LSAMP: variants seen among roughly 807,000 people sequenced by gnomAD.
LSAMP encodes limbic system-associated membrane protein.
A neutral mutation model predicts 38.6 loss-of-function variants in LSAMP; 7 were observed. The ratio of observed to expected loss-of-function variants is 0.18; its 90% CI spans 0.10 to 0.34. LSAMP has a LOEUF of 0.34. Among genes scored for constraint, LSAMP ranks in the 10% least tolerant of loss-of-function variants. The probability of loss-of-function intolerance (pLI) is 1.00; values close to 1 mark genes in which losing one functional copy is unlikely to be tolerated. For synonymous variants in LSAMP, 154 were observed against 166.8 expected (o/e 0.92, Z 0.59); for missense variants, 313 against 420.0 (o/e 0.75, Z 2.23).
chr3:115,966,704 C>T (rs917839979), intron 3 of LSAMP, among the ~76,000 whole-genome samples: 2 of 152,140 alleles, frequency 1.3e-5, no homozygotes, highest in African/African-American at 4.8e-5. Context: ...TAAACTCAAC[C>T]TCTGAAGAAA....
chr3:116,393,325 C>T (rs2048727485), intron 1 of LSAMP, among the ~76,000 whole-genome samples: 1 of 152,168 alleles, frequency 6.6e-6, no homozygotes, highest in Non-Finnish European at 1.5e-5. Context: ...CAGTGCATTC[C>T]CTGGTGCCAG....
At chr3:116,303,324 T>C (rs940205024) in intron 1 of LSAMP, among the ~76,000 whole-genome samples, 1 of 152,212 alleles carries the variant, frequency 6.6e-6, no homozygotes, top group Admixed American at 6.5e-5. Context: ...TGAACATCAT[T>C]TTGCTTACTT....
At chr3:116,172,816 C>A (rs1710235128) in intron 1 of LSAMP, among the ~76,000 whole-genome samples, 1 of 151,818 alleles carries the variant, frequency 6.6e-6, no homozygotes, top group African/African-American at 2.4e-5. Flanking sequence ...TGCTTGATAA[C>A]CTAAAGGTAA....
chr3:116,001,198 G>A (rs1420991770), intron 3 of LSAMP, among the ~76,000 whole-genome samples: 5 of 151,902 alleles, frequency 3.3e-5, no homozygotes, highest in Admixed American at 2.6e-4. Context: ...AAGAAAAAAA[G>A]GAAAAGAAAA....
chr3:116,170,221 A>T (rs1262072713), intron 1 of LSAMP, among the ~76,000 whole-genome samples: 1 of 151,048 alleles, frequency 6.6e-6, no homozygotes, highest in Non-Finnish European at 1.5e-5. Flanking sequence ...CATCCAAAGC[A>T]AGAAAAAAGT....
At chr3:116,202,248 G>T (rs1184544523) in intron 1 of LSAMP, among the ~76,000 whole-genome samples, 1 of 151,388 alleles carries the variant, frequency 6.6e-6, no homozygotes, top group African/African-American at 2.4e-5. Context: ...TGATTCTCCT[G>T]CCTCAGCCTC....
intron 1 of LSAMP, among the ~76,000 whole-genome samples, chr3:116,117,204 A>G (rs1014224505): frequency 6.6e-6 from 1 of 152,208 alleles, no homozygotes; most frequent in Admixed American, 6.5e-5. Context: ...TAAAATGATG[A>G]TTGGAAACTC....
intron 1 of LSAMP, among the ~76,000 whole-genome samples, chr3:116,204,536 T>G (rs2046038543): frequency 2.0e-5 from 3 of 150,756 alleles, no homozygotes; most frequent in Middle Eastern, 6.9e-3. Flanking sequence ...TGGTTTTAGG[T>G]CTAACATTTA....
At chr3:116,256,429 G>A (rs527640769) in intron 1 of LSAMP, among the ~76,000 whole-genome samples, 162 of 152,282 alleles carry the variant, frequency 1.1e-3, no homozygotes, top group African/African-American at 3.7e-3. Context: ...AGGACAAGCC[G>A]TGACCTTGCA....
At chr3:116,175,843 T>A (rs754550548) in intron 1 of LSAMP, among the ~76,000 whole-genome samples, 2 of 152,128 alleles carry the variant, frequency 1.3e-5, no homozygotes, top group Non-Finnish European at 2.9e-5. Context: ...TTCAGTACAA[T>A]GCAGAGAACA....
chr3:116,037,919 T>A (rs1941083043), intron 2 of LSAMP, among the ~76,000 whole-genome samples: 1 of 152,272 alleles, frequency 6.6e-6, no homozygotes, highest in South Asian at 2.1e-4. Flanking sequence ...CCAGGAGGAC[T>A]AACCCTTGAG....
intron 1 of LSAMP, among the ~76,000 whole-genome samples, chr3:116,211,869 A>G (rs1221635506): frequency 6.6e-6 from 1 of 152,226 alleles, no homozygotes; most frequent in South Asian, 2.1e-4. Context: ...TTAGATAAAA[A>G]CAAAACATGA....
intron 1 of LSAMP, among the ~76,000 whole-genome samples, chr3:116,249,584 C>T (rs2046652586): frequency 6.6e-6 from 1 of 151,832 alleles, no homozygotes; most frequent in African/African-American, 2.4e-5. Flanking sequence ...GGGGGTTTCA[C>T]CATGTTGGTC....
intron 1 of LSAMP, among the ~76,000 whole-genome samples, chr3:116,369,118 A>T (rs911923201): frequency 2.0e-5 from 3 of 152,148 alleles, no homozygotes; most frequent in Non-Finnish European, 4.4e-5. Flanking sequence ...CAGCTTTTCC[A>T]TAAAGAAGAA....
intron 3 of LSAMP, among the ~76,000 whole-genome samples, chr3:115,901,558 C>T (rs963484669): frequency 2.0e-5 from 3 of 152,146 alleles, no homozygotes; most frequent in African/African-American, 7.2e-5. Flanking sequence ...CCCACAAAAC[C>T]AGCGTATCTC....
chr3:116,092,116 A>G (rs115840633), intron 1 of LSAMP, among the ~76,000 whole-genome samples: 178 of 152,356 alleles, frequency 1.2e-3, no homozygotes, highest in African/African-American at 4.1e-3. Context: ...CATAGTAGAT[A>G]CTTGCTGAAA....
At chr3:116,020,288 G>A (rs550193792) in intron 2 of LSAMP, among the ~76,000 whole-genome samples, 2 of 152,086 alleles carry the variant, frequency 1.3e-5, no homozygotes, top group Admixed American at 1.3e-4. Flanking sequence ...ATTACTTCTA[G>A]TACTTCCAAC....
At chr3:115,876,332 C>A (rs1327153245) in intron 3 of LSAMP, among the ~76,000 whole-genome samples, 1 of 140,574 alleles carries the variant, frequency 7.1e-6, no homozygotes, top group East Asian at 2.1e-4. Context: ...GCATAGGGAT[C>A]ATTAACTTTC....
intron 3 of LSAMP, among the ~76,000 whole-genome samples, chr3:115,941,081 A>G (rs770605025): frequency 2.0e-5 from 3 of 152,164 alleles, no homozygotes; most frequent in Admixed American, 6.5e-5. Context: ...ATACAACTCA[A>G]TAGCAAAAAC....
Sources: allele counts gnomAD v4.1 joint callset (sites outside exome capture counted in the v4.1 genomes callset), GRCh38; gene constraint gnomAD v4.1.1; transcripts MANE v1.5; gene names NCBI Gene and HGNC (gene_info 2026-07-23, HGNC 2026-07-21).